The following MGAT4C variants were observed in gnomAD, a reference collection of about 807,000 sequenced individuals.
The protein encoded by MGAT4C is alpha-1,3-mannosyl-glycoprotein 4-beta-N-acetylglucosaminyltransferase C.
A neutral mutation model predicts 40.1 loss-of-function variants in MGAT4C; 19 were observed. The observed-to-expected ratio is 0.47, with a 90% CI of 0.33 to 0.70. The LOEUF (loss-of-function observed/expected upper bound fraction) is 0.70. Among genes scored for constraint, MGAT4C ranks in the 30% least tolerant of loss-of-function variants. The pLI, the probability that MGAT4C is intolerant of heterozygous loss-of-function variation, is 0.02. For synonymous variants in MGAT4C, 181 were observed against 187.1 expected (o/e 0.97, Z 0.27); for missense variants, 491 against 563.2 (o/e 0.87, Z 1.30).
At chr12:86,552,273 T>C (rs574230474) in intron 2 of MGAT4C, among the ~76,000 whole-genome samples, 66 of 152,104 alleles carry the variant, frequency 4.3e-4, no homozygotes, top group Non-Finnish European at 7.9e-4. Context: ...TAGTGAGAAA[T>C]TGAAAGTTAA....
intron 1 of MGAT4C, among the ~76,000 whole-genome samples, chr12:86,749,936 C>T (rs374878842): frequency 1.3e-5 from 2 of 151,714 alleles, no homozygotes; most frequent in Non-Finnish European, 2.9e-5. Context: ...ATTATAGGAG[C>T]AACTTTGGTC....
intron 2 of MGAT4C, among the ~76,000 whole-genome samples, chr12:86,485,939 A>G (rs1241637752): frequency 6.6e-6 from 1 of 152,178 alleles, no homozygotes; most frequent in Non-Finnish European, 1.5e-5. Context: ...CTCTAAAGAG[A>G]AGAAATTCCA....
chr12:86,678,727 A>G lies in MGAT4C; in HGVS notation c.-229+48482T>C, dbSNP rs567533183. Among the ~76,000 whole-genome samples the G allele has an allele frequency of 2.3e-4, 35 of 151,838 alleles. 2 individuals carry two copies. The East Asian group carries it at 6.2e-3, about 27-fold the overall frequency. ...AGTTTACTGAGAATGATGATTTCCAATTTCATCCATGTCCCTACAAAGGAT... is the reference window on the plus strand; with the variant it reads ...AGTTTACTGAGAATGATGATTTCCAGTTTCATCCATGTCCCTACAAAGGAT... On this transcript the variant is annotated intron_variant, in intron 2 of 7. Transcript: ENST00000548651.
chr12:86,368,564 T>C (rs1955652926), intron 3 of MGAT4C, among the ~76,000 whole-genome samples: 1 of 152,004 alleles, frequency 6.6e-6, no homozygotes, highest in Non-Finnish European at 1.5e-5. Context: ...TTTTGCTACA[T>C]CTCATAAGAT....
chr12:86,129,166 T>A (rs758236516), intron 1 of MGAT4C, among the ~76,000 whole-genome samples: 4 of 151,446 alleles, frequency 2.6e-5, no homozygotes, highest in Admixed American at 1.3e-4. Flanking sequence ...CCCAGTCGGA[T>A]TAACATCCAA....
intron 3 of MGAT4C, among the ~76,000 whole-genome samples, chr12:86,413,824 C>A (rs1274838999): frequency 1.3e-5 from 2 of 152,046 alleles, no homozygotes; most frequent in Non-Finnish European, 2.9e-5. Context: ...ATACTTAAAA[C>A]CAGGGCTGGA....
intron 2 of MGAT4C, among the ~76,000 whole-genome samples, chr12:85,991,257 C>A (rs1473702643): frequency 6.6e-6 from 1 of 152,186 alleles, no homozygotes; most frequent in Non-Finnish European, 1.5e-5. Context: ...ACTCCATCAT[C>A]TCTCCATCCT....
At chr12:86,671,738 C>G (rs1382784059) in intron 2 of MGAT4C, among the ~76,000 whole-genome samples, 2 of 151,964 alleles carry the variant, frequency 1.3e-5, no homozygotes, top group Non-Finnish European at 2.9e-5. Context: ...GTGGAGAACT[C>G]AGCGAGAGGA....
chr12:86,393,492 A>C (rs942288574), intron 3 of MGAT4C, among the ~76,000 whole-genome samples: 2 of 152,250 alleles, frequency 1.3e-5, no homozygotes, highest in African/African-American at 4.8e-5. Flanking sequence ...AAACACATTT[A>C]GAAAACTGAT....
At chr12:86,391,782 C>T (rs1464420613) in intron 3 of MGAT4C, among the ~76,000 whole-genome samples, 1 of 152,072 alleles carries the variant, frequency 6.6e-6, no homozygotes, top group Non-Finnish European at 1.5e-5. Context: ...ATGGTGTGAA[C>T]CCGGGAGGCG....
chr12:86,597,835 CT>C (rs988756913), intron 2 of MGAT4C, among the ~76,000 whole-genome samples: 11 of 152,176 alleles, frequency 7.2e-5, no homozygotes, highest in African/African-American at 2.4e-4. Context: ...ATTTGAGGGA[CT>C]TCTCCCACCT....
intron 1 of MGAT4C, among the ~76,000 whole-genome samples, chr12:86,768,120 A>G (rs2136163760): frequency 6.6e-6 from 1 of 152,294 alleles, no homozygotes; most frequent in Admixed American, 6.5e-5. Flanking sequence ...AGAAAACCCC[A>G]TTGTCTCAGC....
At chr12:86,597,387 G>A (rs1961581713) in intron 2 of MGAT4C, among the ~76,000 whole-genome samples, 1 of 152,194 alleles carries the variant, frequency 6.6e-6, no homozygotes, top group East Asian at 1.9e-4. Flanking sequence ...AATTAATCAG[G>A]GAAAAAGGAA....
rs546835090 is a variant in MGAT4C at position 86,677,438 on chromosome 12, T to C, written c.-229+49771A>G. On this transcript the variant is annotated intron_variant, in intron 2 of 7. Transcript: ENST00000548651. ...TCAAAAATGTGCTTGCTAGATTTACTCTTCTGCTTAGTTAAGCAATCAGGG... is the reference window on the plus strand; with the variant it reads ...TCAAAAATGTGCTTGCTAGATTTACCCTTCTGCTTAGTTAAGCAATCAGGG... 2.0e-5 allele frequency among the ~76,000 whole-genome samples: 3 copies of C among 152,282 alleles called. No individual in the cohort carries two copies. In the East Asian group the frequency reaches 5.8e-4, roughly 29 times the overall value.
chr12:86,801,002 T>G (rs972935439), intron 1 of MGAT4C, among the ~76,000 whole-genome samples: 4 of 151,918 alleles, frequency 2.6e-5, no homozygotes, highest in Non-Finnish European at 4.4e-5. Flanking sequence ...CTGGCCTGCC[T>G]TCAGCAAAAA....
At chr12:86,101,091 A>G (rs1874952047) in intron 1 of MGAT4C, among the ~76,000 whole-genome samples, 1 of 151,722 alleles carries the variant, frequency 6.6e-6, no homozygotes. Flanking sequence ...ATTCTTTACT[A>G]AGGAGACACT....
intron 1 of MGAT4C, among the ~76,000 whole-genome samples, chr12:86,816,010 G>T (rs930254769): frequency 5.9e-5 from 9 of 151,720 alleles, no homozygotes; most frequent in African/African-American, 1.5e-4. Context: ...AATCCTAAGG[G>T]TGAGAAAAAA....
rs543248900 is a variant in MGAT4C at position 86,366,271 on chromosome 12, T to A, written c.-119-32144A>T. Among the ~76,000 whole-genome samples the A allele has an allele frequency of 1.4e-3, 216 of 152,340 alleles. 1 individual carries two copies. Among genetic ancestry groups the A allele is most frequent in the African/African-American group, 5.1e-3 (211 of 41,586 alleles). ...CCTGAAACTTTACTCAATTAGCTTA[T>A]CAGTTCCAGGAGCAGAGTTTTTAAG... On this transcript the variant is annotated intron_variant, in intron 3 of 7. Coordinates refer to the MGAT4C transcript ENST00000548651.
chr12:86,063,462 T>C (rs61931135), intron 1 of MGAT4C, among the ~76,000 whole-genome samples: 8,834 of 152,202 alleles, frequency 0.058, 347 homozygotes, highest in Non-Finnish European at 0.084. Flanking sequence ...AGAAACTGCA[T>C]CAATTAATGG....
Sources: gnomAD v4.1 joint callset for allele counts (sites outside exome capture counted in the v4.1 genomes callset) on GRCh38, gnomAD v4.1.1 for gene constraint, MANE v1.5 for transcripts, NCBI Gene and HGNC (gene_info 2026-07-23, HGNC 2026-07-21) for gene names.